COLEC10: variants seen among roughly 807,000 people sequenced by gnomAD.
COLEC10 encodes the protein collectin-10.
COLEC10 carries 22 observed loss-of-function variants against 28.4 expected under a neutral mutation model. The ratio of observed to expected loss-of-function variants is 0.78; its 90% CI spans 0.55 to 1.11. COLEC10 has a LOEUF of 1.11. Ranked by LOEUF, COLEC10 falls within the 50% of genes least tolerant of loss-of-function variation. The pLI, the probability that COLEC10 is intolerant of heterozygous loss-of-function variation, is 0.00. For missense variants in COLEC10, 361 were observed against 344.1 expected, an observed-to-expected ratio of 1.05 and a Z score of -0.39; for synonymous variants, 125 against 116.1, an observed-to-expected ratio of 1.08 and a Z score of -0.49.
At chr8:118,995,000 G>T (rs1366349582), upstream of COLEC10, among the ~76,000 whole-genome samples, 1 of 152,074 alleles carries the variant, frequency 6.6e-6, no homozygotes. Flanking sequence ...GGGAAAAAAA[G>T]GAGTTAAATA....
the COLEC10 span, among the ~76,000 whole-genome samples, chr8:118,953,470 T>A: frequency 6.9e-3 from 1,055 of 152,318 alleles, 15 homozygotes; most frequent in African/African-American, 0.024. Context: ...AAGGTGTTTT[T>A]CTCAGAACAT....
chr8:119,045,393 C>A (rs1312918462), intron 2 of COLEC10, among the ~76,000 whole-genome samples: 1 of 152,200 alleles, frequency 6.6e-6, no homozygotes, highest in African/African-American at 2.4e-5. Context: ...GGCTTTCTCC[C>A]CAACTGGTTC....
chr8:119,061,665 T>G (rs1422662069), intron 2 of COLEC10, among the ~76,000 whole-genome samples: 2 of 151,972 alleles, frequency 1.3e-5, no homozygotes, highest in Non-Finnish European at 2.9e-5. Context: ...TTTTTAGACT[T>G]ACAATGTCTC....
At position 119,095,696 on chromosome 8, in the gene COLEC10, T is replaced by C. The variant is rs551988369; in HGVS notation, c.292+4476T>C. Among the ~76,000 whole-genome samples, 3 of 152,234 alleles carry C rather than the reference T, an allele frequency of 2.0e-5. No homozygotes were observed. The East Asian group carries it at 5.8e-4, about 29-fold the overall frequency. Reference sequence around the variant, plus strand: ...CAACCTGGGCAACAGAGTGAGATTCTATCTCAAAACAAAAAACAAAGCAAA... The same window carrying C: ...CAACCTGGGCAACAGAGTGAGATTCCATCTCAAAACAAAAAACAAAGCAAA... On this transcript the variant is annotated intron_variant, in intron 3 of 5. Coordinates refer to ENST00000332843, the MANE Select transcript of COLEC10 (RefSeq NM_006438.5).
chr8:119,026,324 C>T (rs556102250), intron 2 of COLEC10, among the ~76,000 whole-genome samples: 16 of 152,162 alleles, frequency 1.1e-4, no homozygotes, highest in Non-Finnish European at 1.5e-4. Flanking sequence ...GAGACCAAGA[C>T]CAGAGGATTG....
intron 1 of COLEC10, among the ~76,000 whole-genome samples, chr8:119,070,613 C>CT (rs1159117027): frequency 3.5e-5 from 5 of 144,308 alleles, no homozygotes. Context: ...CTTTCTCTCT[C>CT]TTTTTTTCTC....
chr8:118,959,254 G>A, the COLEC10 span, among the ~76,000 whole-genome samples: 3 of 152,328 alleles, frequency 2.0e-5, no homozygotes, highest in African/African-American at 2.4e-5. Context: ...GGCTTAGAGA[G>A]CATAGGATGA....
intron 5 of COLEC10, among the ~76,000 whole-genome samples, chr8:119,104,689 C>T (rs1324395999): frequency 1.3e-5 from 2 of 152,106 alleles, no homozygotes; most frequent in East Asian, 1.9e-4. Context: ...GATGCTGTCT[C>T]GTGTTCATCC....
intron 2 of COLEC10, among the ~76,000 whole-genome samples, chr8:119,053,888 T>C (rs1814720844): frequency 1.3e-5 from 2 of 152,100 alleles, no homozygotes; most frequent in African/African-American, 4.8e-5. Context: ...ATATATACTA[T>C]GTTTTTTTCT....
upstream of COLEC10, among the ~76,000 whole-genome samples, chr8:118,993,935 T>A (rs112922005): frequency 6.6e-6 from 1 of 152,288 alleles, no homozygotes; most frequent in Non-Finnish European, 1.5e-5. Flanking sequence ...GAATATTGAT[T>A]CAGTAGACCA....
At chr8:118,974,604 C>T in the COLEC10 span, among the ~76,000 whole-genome samples, 1 of 151,952 alleles carries the variant, frequency 6.6e-6, no homozygotes, top group Non-Finnish European at 1.5e-5. Flanking sequence ...GTTTTGATGA[C>T]TACAGTTGTT....
chr8:118,976,578 T>G, the COLEC10 span: 1 of 152,308 alleles, frequency 6.6e-6, no homozygotes, highest in African/African-American at 2.4e-5. Context: ...ATGGCCCCTG[T>G]GCAAGGATGA....
the COLEC10 span, among the ~76,000 whole-genome samples, chr8:118,953,866 T>C: frequency 6.6e-6 from 1 of 152,216 alleles, no homozygotes; most frequent in African/African-American, 2.4e-5. Context: ...CTAACCTATT[T>C]TTGTTTCCAT....
intron 1 of COLEC10, among the ~76,000 whole-genome samples, chr8:119,086,511 A>T (rs980965460): frequency 6.6e-6 from 1 of 152,100 alleles, no homozygotes; most frequent in Non-Finnish European, 1.5e-5. Context: ...TGTTTACTTC[A>T]TCTGTGCCAG....
At chr8:119,022,049 C>A (rs1008985568) in intron 2 of COLEC10, among the ~76,000 whole-genome samples, 2 of 152,112 alleles carry the variant, frequency 1.3e-5, no homozygotes, top group African/African-American at 2.4e-5. Context: ...CTCTAGCAAT[C>A]CTCTTACTCA....
chr8:118,969,889 C>G, the COLEC10 span, among the ~76,000 whole-genome samples: 1 of 151,830 alleles, frequency 6.6e-6, no homozygotes, highest in Non-Finnish European at 1.5e-5. Context: ...GCATTTTATT[C>G]CACAGAAATA....
intron 2 of COLEC10, among the ~76,000 whole-genome samples, chr8:119,057,205 A>G (rs1303874115): frequency 1.3e-5 from 2 of 151,970 alleles, no homozygotes; most frequent in Non-Finnish European, 2.9e-5. Flanking sequence ...TGGTTTTATA[A>G]GTGTTTGACA....
At chr8:118,989,583 A>T in the COLEC10 span, among the ~76,000 whole-genome samples, 5 of 129,494 alleles carry the variant, frequency 3.9e-5, no homozygotes, top group Non-Finnish European at 8.0e-5. Flanking sequence ...ACACACCCCT[A>T]CCTACCCATA....
At chr8:119,013,696 C>T (rs939671131) in intron 2 of COLEC10, among the ~76,000 whole-genome samples, 2 of 150,696 alleles carry the variant, frequency 1.3e-5, no homozygotes, top group Admixed American at 6.6e-5. Flanking sequence ...TCTTTAAAAA[C>T]TGATCAGTTC....
Sources: gnomAD v4.1 joint callset for allele counts (sites outside exome capture counted in the v4.1 genomes callset) on GRCh38, gnomAD v4.1.1 for gene constraint, MANE v1.5 for transcripts, NCBI Gene and HGNC (gene_info 2026-07-23, HGNC 2026-07-21) for gene names.